Variants in CAP1 observed in about 807,000 individuals in gnomAD.
CAP1 encodes cyclase associated actin cytoskeleton regulatory protein 1, also known as adenylyl cyclase-associated protein 1.
In CAP1, 11 loss-of-function variants were observed where a neutral mutation model predicts 58.2. The ratio of observed to expected loss-of-function variants is 0.19; its 90% CI spans 0.12 to 0.31. The LOEUF (loss-of-function observed/expected upper bound fraction) is 0.31, where lower values mean the gene tolerates loss of function less well. Among genes scored for constraint, CAP1 ranks in the 10% least tolerant of loss-of-function variants. The pLI is 1.00. For synonymous variants in CAP1, 183 were observed against 213.8 expected, an observed-to-expected ratio of 0.86 and a Z score of 1.26; for missense variants, 423 against 587.5, an observed-to-expected ratio of 0.72 and a Z score of 2.89.
chr1:40,062,033 T>C lies in CAP1; in HGVS notation c.294+221T>C, dbSNP rs1168079125. ...CTGGCTTTTTCTCTGTCATTTTGCA[T>C]AGGACTGTGGTTATCCCTGGGACTT... On this transcript the variant is annotated intron_variant, in intron 4 of 12. Coordinates refer to ENST00000372805, the MANE Select transcript of CAP1 (RefSeq NM_006367.4). 3.3e-5 allele frequency among the ~76,000 whole-genome samples: 5 copies of C among 152,244 alleles called. 1 individual carries two copies. The highest frequency in any genetic ancestry group is 4.1e-4 in the South Asian group (2 of 4,834).
At chr1:40,046,593 G>A (rs1384509695) in intron 1 of CAP1, among the ~76,000 whole-genome samples, 2 of 152,162 alleles carry the variant, frequency 1.3e-5, no homozygotes, top group South Asian at 4.1e-4. Flanking sequence ...TACATTCTGA[G>A]AAATTTGTCA....
chr1:40,070,082 A>G (rs1048081226), intron 9 of CAP1, 77 bp from the exon 10 acceptor site: 178 of 1,596,224 alleles, frequency 1.1e-4, no homozygotes, highest in African/African-American at 5.5e-4. Flanking sequence ...TGCAAGAACA[A>G]AAAGTTTGGG....
intron 1 of CAP1, among the ~76,000 whole-genome samples, chr1:40,047,019 C>A (rs1295821946): frequency 6.6e-6 from 1 of 152,168 alleles, no homozygotes; most frequent in African/African-American, 2.4e-5. Flanking sequence ...GTTCTGCTAG[C>A]CTTGGCCTCC....
chr1:40,067,538 AG>A lies in CAP1; in HGVS notation c.633del. ...TGATGTTACCTGCACTTATTGTTCC[AG>A]GGGCCTGTGGCAAAAGAACTGAGCG... On this transcript the variant is annotated splice_acceptor_variant, in intron 7 of 12. Transcript: ENST00000372805. LOFTEE classifies it high-confidence loss of function. The A allele has an allele frequency of 1.2e-6, 2 of 1,607,140 alleles. No individual in the cohort carries two copies. Among genetic ancestry groups the A allele is most frequent in the Non-Finnish European group, 1.7e-6 (2 of 1,176,448 alleles).
chr1:40,069,930 G>A, intron 9 of CAP1, 56 bp downstream of exon 9: 1 of 1,484,526 alleles, frequency 6.7e-7, no homozygotes, highest in South Asian at 1.4e-5. Flanking sequence ...ATTTTTTTGA[G>A]ATGGAGTTTC....
chr1:40,069,601 G>C, intron 8 of CAP1, 89 bp from the exon 9 acceptor site: 1 of 1,233,364 alleles, frequency 8.1e-7, no homozygotes, highest in African/African-American at 1.6e-5. Flanking sequence ...TTTTGGCTTT[G>C]AATTTTCTGT....
chr1:40,048,038 T>C (rs3131683), intron 1 of CAP1, among the ~76,000 whole-genome samples: 81,835 of 151,804 alleles, frequency 0.54, 23,916 homozygotes, highest in Non-Finnish European at 0.67. Context: ...TTGGGTTAGA[T>C]TTAGATGGCA....
At chr1:40,054,221 C>T (rs1357012257) in intron 1 of CAP1, among the ~76,000 whole-genome samples, 8 of 130,468 alleles carry the variant, frequency 6.1e-5, no homozygotes, top group African/African-American at 2.4e-4. Flanking sequence ...AACATAATCT[C>T]ACTCTGTTGT....
chr1:40,066,093 T>A (rs1351734061), intron 6 of CAP1, 122 bp from the exon 7 acceptor site: 1 of 623,934 alleles, frequency 1.6e-6, no homozygotes, highest in African/African-American at 1.8e-5. Context: ...AAGCTGCCAT[T>A]GAGCGGAGCC....
rs566556492 is a variant in CAP1, at chr1:40,068,145, G to A, written c.808+428G>A. Among the ~76,000 whole-genome samples, 4 of 152,324 alleles carry A rather than the reference G, an allele frequency of 2.6e-5. No individual in the cohort carries two copies. The East Asian group carries it at 7.7e-4, about 29-fold the overall frequency. On this transcript the variant is annotated intron_variant, in intron 8 of 12. Transcript: ENST00000372805. ...AGTAGATACCCTTAACACAGCTGGT[G>A]GAAGTCTGAGTTGTCCAGCCACTTC...
intron 6 of CAP1, 91 bp downstream of exon 6, chr1:40,064,650 C>T (rs929586507): frequency 6.3e-6 from 6 of 953,822 alleles, no homozygotes; most frequent in Non-Finnish European, 1.0e-5. Context: ...AATCACAGCT[C>T]ATTGCAGCCT....
In CAP1 at chr1:40,070,006, G is replaced by A. The variant is rs1453975884; in HGVS notation, c.993+132G>A. ...CTTACCGCAACCTCCGCCTCCCGGGGAAAAGGAGTAGGAACAGGAGGTTAA... is the reference window on the plus strand; with the variant it reads ...CTTACCGCAACCTCCGCCTCCCGGGAAAAAGGAGTAGGAACAGGAGGTTAA... On this transcript the variant is annotated intron_variant, in intron 9 of 12. Coordinates refer to ENST00000372805, the MANE Select transcript of CAP1 (RefSeq NM_006367.4). 2.9e-6 allele frequency: 4 copies of A among 1,393,556 alleles called. No homozygotes were observed. The East Asian group carries it at 7.2e-5, about 25-fold the overall frequency. The allele number at this position is 1,393,556 out of a possible 1,614,324, so 86.3% of individuals were successfully genotyped here. A position where few individuals can be genotyped will look rare whatever the true frequency, so the allele number is the denominator to read the frequency against.
At chr1:40,051,093 C>A (rs1426691022) in intron 1 of CAP1, among the ~76,000 whole-genome samples, 1 of 152,132 alleles carries the variant, frequency 6.6e-6, no homozygotes, top group Non-Finnish European at 1.5e-5. Context: ...CTCCTGAAAC[C>A]AAGCTACCGC....
intron 1 of CAP1, among the ~76,000 whole-genome samples, chr1:40,051,610 C>T (rs1461944096): frequency 1.3e-5 from 2 of 152,178 alleles, no homozygotes; most frequent in Non-Finnish European, 2.9e-5. Flanking sequence ...GAGTCTCACT[C>T]TGTCGCCCAG....
At chr1:40,067,821 A>T in intron 8 of CAP1, 104 bp downstream of exon 8, 1 of 800,590 alleles carries the variant, frequency 1.2e-6, no homozygotes, top group East Asian at 2.8e-5. Context: ...TGTGTGGTGG[A>T]GACTCGTTTG....
chr1:40,061,081 C>T (rs1023554528), intron 3 of CAP1, among the ~76,000 whole-genome samples: 2 of 151,794 alleles, frequency 1.3e-5, no homozygotes, highest in African/African-American at 4.8e-5. Flanking sequence ...CTGCGAATGA[C>T]CCTTAGAAAG....
chr1:40,060,161 G>A lies in CAP1; in HGVS notation c.207G>A (p.Val69=), dbSNP rs1418446495. Residue 69 remains valine (V), a synonymous_variant, in exon 3 of 13, where the codon GTG becomes GTA. Transcript: ENST00000372805. ...TCAGTAAAGAGATTGGGGGAGACGTGCAGAAACATGTAAGGATGTTTTGCC... is the reference window on the plus strand; with the variant it reads ...TCAGTAAAGAGATTGGGGGAGACGTACAGAAACATGTAAGGATGTTTTGCC... ...LKISKEIGGD[V]QKHAEMVHTG... 10 of 1,612,386 alleles carry A rather than the reference G, an allele frequency of 6.2e-6. No individual in the cohort carries two copies. Among genetic ancestry groups the A allele is most frequent in the Admixed American group, 5.0e-5 (3 of 59,870 alleles).
chr1:40,053,788 C>T (rs932597976), intron 1 of CAP1, among the ~76,000 whole-genome samples: 1 of 152,150 alleles, frequency 6.6e-6, no homozygotes. Context: ...AGTTCAGTTT[C>T]TTCATTCTAA....
intron 2 of CAP1, 139 bp downstream of exon 2, chr1:40,059,597 A>G (rs551967417): frequency 1.7e-6 from 1 of 587,780 alleles, no homozygotes; most frequent in African/African-American, 1.9e-5. Context: ...TGCTGTGAAC[A>G]GATAAGAGAG....
Sources: gnomAD v4.1 joint callset for allele counts (sites outside exome capture counted in the v4.1 genomes callset) on GRCh38, gnomAD v4.1.1 for gene constraint, MANE v1.5 for transcripts, NCBI Gene and HGNC (gene_info 2026-07-23, HGNC 2026-07-21) for gene names.